Variants in DNAH3 observed in about 807,000 individuals in gnomAD.
DNAH3 encodes the protein axonemal beta dynein heavy chain 3.
A neutral mutation model predicts 432.5 loss-of-function variants in DNAH3; 332 were observed. That is an observed-to-expected ratio of 0.77 (90% CI 0.70 to 0.84). The LOEUF is 0.84. Among genes scored for constraint, DNAH3 ranks in the 40% least tolerant of loss-of-function variants. DNAH3 has a pLI of 0.00. For missense variants in DNAH3, 4,861 were observed against 5,114.0 expected, an observed-to-expected ratio of 0.95 and a Z score of 1.51; for synonymous variants, 1,956 against 1,900.2, an observed-to-expected ratio of 1.03 and a Z score of -0.76.
chr16:20,956,208 T>G (rs436780), intron 54 of DNAH3, among the ~76,000 whole-genome samples: 58,295 of 152,038 alleles, frequency 0.38, 11,220 homozygotes, highest in South Asian at 0.45. Context: ...GATTTACAGG[T>G]GTGAGCCACT....
At chr16:21,138,929 G>A (rs1392416547) in intron 5 of DNAH3, among the ~76,000 whole-genome samples, 3 of 151,994 alleles carry the variant, frequency 2.0e-5, no homozygotes, top group South Asian at 2.1e-4. Context: ...TCCACTTTCC[G>A]CAACTGGACA....
intron 41 of DNAH3, among the ~76,000 whole-genome samples, chr16:21,005,300 T>G: frequency 6.9e-6 from 1 of 144,392 alleles, no homozygotes; most frequent in Admixed American, 6.9e-5. Context: ...GCTTCCCTCC[T>G]TCCCTCCTTC....
rs551343654 is a variant in DNAH3, at chr16:20,966,353, T to G, written c.8459-928A>C. On this transcript the variant is annotated intron_variant, in intron 52 of 61. Coordinates refer to ENST00000261383, the Ensembl canonical transcript of DNAH3. ...CACGCCCAGCTGTGCCCAGCCAATC[T>G]TTGTATTTTTTATAGAGATGAGGTT... is the stretch of plus-strand genomic sequence containing the variant. Among the ~76,000 whole-genome samples the G allele has an allele frequency of 7.3e-3, 1,114 of 152,030 alleles. 15 individuals are homozygous for G. Among genetic ancestry groups the G allele is most frequent in the African/African-American group, 0.026 (1,076 of 41,454 alleles).
intron 56 of DNAH3, among the ~76,000 whole-genome samples, chr16:20,950,382 C>G (rs1596914121): frequency 6.6e-6 from 1 of 152,186 alleles, no homozygotes; most frequent in Non-Finnish European, 1.5e-5. Context: ...GTAGACTGTT[C>G]AGTAGCATCC....
At chr16:20,942,227 G>A (rs1008790686) in intron 58 of DNAH3, among the ~76,000 whole-genome samples, 1 of 152,208 alleles carries the variant, frequency 6.6e-6, no homozygotes, top group Non-Finnish European at 1.5e-5. Flanking sequence ...TCTGACCCCT[G>A]AGGATTAGCT....
intron 33 of DNAH3, among the ~76,000 whole-genome samples, chr16:21,039,392 A>C (rs1385761345): frequency 6.6e-6 from 1 of 151,304 alleles, no homozygotes; most frequent in Admixed American, 6.6e-5. Context: ...CTAATTTTTG[A>C]ATTTTTTGGT....
At chr16:20,985,186 G>A in exon 48 of DNAH3, 1 of 1,614,220 alleles carries the variant, frequency 6.2e-7, no homozygotes, top group Non-Finnish European at 8.5e-7. Flanking sequence ...CTCGTCAGCA[G>A]GGAAGATGTT....
intron 14 of DNAH3, among the ~76,000 whole-genome samples, chr16:21,109,835 C>A (rs947912285): frequency 1.3e-5 from 2 of 151,740 alleles, no homozygotes; most frequent in Non-Finnish European, 2.9e-5. Context: ...ACTTCTGGGG[C>A]TCAAGTGATC....
intron 56 of DNAH3, 78 bp downstream of exon 56, chr16:20,952,355 T>G: frequency 1.1e-6 from 1 of 881,566 alleles, no homozygotes; most frequent in Non-Finnish European, 1.9e-6. Context: ...CATAAGTGAA[T>G]GGAAATGGGA....
intron 55 of DNAH3, among the ~76,000 whole-genome samples, chr16:20,952,847 G>A (rs1050307142): frequency 8.5e-5 from 13 of 152,160 alleles, no homozygotes; most frequent in African/African-American, 1.9e-4. Context: ...GGAATATGGC[G>A]GTAATGCACG....
intron 17 of DNAH3, among the ~76,000 whole-genome samples, chr16:21,098,054 G>A (rs1002427934): frequency 3.9e-5 from 6 of 152,102 alleles, no homozygotes; most frequent in Admixed American, 2.6e-4. Flanking sequence ...CAATAAATGT[G>A]AACAATTACC....
chr16:20,980,042 G>A (rs542449926), intron 49 of DNAH3, among the ~76,000 whole-genome samples: 5 of 151,574 alleles, frequency 3.3e-5, no homozygotes, highest in South Asian at 2.1e-4. Flanking sequence ...GAGCCACCAC[G>A]CCCAGCCACA....
At chr16:21,120,699 T>G in intron 11 of DNAH3, 1 of 1,451,760 alleles carries the variant, frequency 6.9e-7, no homozygotes, top group Non-Finnish European at 9.7e-7. Flanking sequence ...CCATGTCTTC[T>G]TGGCATTGTA....
At chr16:21,067,321 C>A (rs762200898) in exon 24 of DNAH3, 2 of 1,614,104 alleles carry the variant, frequency 1.2e-6, no homozygotes, top group East Asian at 2.2e-5. Flanking sequence ...AGTAATCATT[C>A]AGCCCTTTCT....
At chr16:20,995,619 CCT>C (rs1245475028) in intron 44 of DNAH3, among the ~76,000 whole-genome samples, 4 of 152,146 alleles carry the variant, frequency 2.6e-5, no homozygotes, top group Non-Finnish European at 5.9e-5. Flanking sequence ...AAAATTTCCG[CCT>C]TTTTTCCCTC....
At position 21,054,421 on chromosome 16, in the gene DNAH3, G is replaced by C. The variant is rs191732881; in HGVS notation, c.4038C>G (p.His1346Gln). ...GACAGGGGAAGCCCCCTGGCTTACC[G>C]TGGACATCGATGACCGTGAGGGCCC... The change falls in exon 28 of 62, where the codon CAC becomes CAG. Residue 1346 changes from histidine to glutamine, a missense_variant and splice_region_variant. By Grantham distance (24) the His-to-Gln change is conservative (BLOSUM62 0). Coordinates refer to ENST00000261383, the Ensembl canonical transcript of DNAH3. 8.7e-6 allele frequency: 14 copies of C among 1,612,546 alleles called. No individual in the cohort carries two copies. The African/African-American group carries it at 1.7e-4, about 20-fold the overall frequency.
chr16:21,016,066 G>C (rs1405536335), intron 41 of DNAH3, among the ~76,000 whole-genome samples: 3 of 152,052 alleles, frequency 2.0e-5, no homozygotes, highest in African/African-American at 7.2e-5. Flanking sequence ...TGGGATTACA[G>C]GTGTGAGCCA....
chr16:20,937,663 G>A (rs137912036), intron 59 of DNAH3, among the ~76,000 whole-genome samples: 12,317 of 151,218 alleles, frequency 0.081, 534 homozygotes, highest in East Asian at 0.13. Flanking sequence ...TGAGTAGCTG[G>A]GACTACAGGC....
At chr16:20,964,827 C>G in exon 53 of DNAH3, 1 of 1,614,134 alleles carries the variant, frequency 6.2e-7, no homozygotes, top group Non-Finnish European at 8.5e-7. Flanking sequence ...GATTTTGGCA[C>G]TGGACCCGAT....
Sources: allele counts gnomAD v4.1 joint callset (sites outside exome capture counted in the v4.1 genomes callset), GRCh38; gene constraint gnomAD v4.1.1; transcripts MANE v1.5; gene names NCBI Gene and HGNC (gene_info 2026-07-23, HGNC 2026-07-21).